Variants in CCDC171 observed in about 807,000 individuals in gnomAD.
CCDC171 encodes the protein coiled-coil domain-containing protein 171.
A neutral mutation model predicts 168.2 loss-of-function variants in CCDC171; 177 were observed. The ratio of observed to expected loss-of-function variants is 1.05; its 90% CI spans 0.93 to 1.19. CCDC171 has a LOEUF of 1.19. Ranked by LOEUF, CCDC171 falls within the 50% of genes most tolerant of loss-of-function variation. The pLI is 0.00. For synonymous variants in CCDC171, 687 were observed against 540.8 expected, an observed-to-expected ratio of 1.27 and a Z score of -3.75; for missense variants, 1,991 against 1,539.0, an observed-to-expected ratio of 1.29 and a Z score of -4.91.
chr9:15,957,748 A>G (rs1056030648), intron 25 of CCDC171, among the ~76,000 whole-genome samples: 1 of 152,220 alleles, frequency 6.6e-6, no homozygotes, highest in Admixed American at 6.5e-5. Flanking sequence ...TTCCTCTGAT[A>G]TAGAAAATCA....
chr9:16,101,836 A>T, the CCDC171 span, among the ~76,000 whole-genome samples: 1 of 152,218 alleles, frequency 6.6e-6, no homozygotes, highest in South Asian at 2.1e-4. Flanking sequence ...GGGTTCTGCC[A>T]ACAACCTGAG....
chr9:15,851,746 C>CCCTA (rs1291321826), intron 23 of CCDC171, among the ~76,000 whole-genome samples: 6 of 151,838 alleles, frequency 4.0e-5, no homozygotes, highest in African/African-American at 1.5e-4. Flanking sequence ...TATCCCTTTC[C>CCCTA]CCTACATCCT....
intron 4 of CCDC171, chr9:15,587,723 C>G: frequency 2.3e-6 from 1 of 443,994 alleles, no homozygotes; most frequent in Non-Finnish European, 4.5e-6. Flanking sequence ...AACTGTATTA[C>G]ATTTATAGTT....
At chr9:15,896,509 CT>C (rs1820920077) in intron 24 of CCDC171, among the ~76,000 whole-genome samples, 3 of 152,040 alleles carry the variant, frequency 2.0e-5, no homozygotes, top group Admixed American at 1.3e-4. Flanking sequence ...CTTAGATTCT[CT>C]TTTTCTTGTA....
intron 4 of CCDC171, among the ~76,000 whole-genome samples, chr9:15,586,535 G>C (rs1015170190): frequency 6.6e-6 from 1 of 152,134 alleles, no homozygotes; most frequent in Non-Finnish European, 1.5e-5. Context: ...TAAACTGGAA[G>C]CACCAGATAC....
intron 24 of CCDC171, among the ~76,000 whole-genome samples, chr9:15,919,496 T>G (rs991888604): frequency 2.0e-5 from 3 of 151,686 alleles, no homozygotes; most frequent in African/African-American, 7.2e-5. Context: ...GAAAATGTCT[T>G]TGAAATATGG....
chr9:16,089,921 C>G, the CCDC171 span, among the ~76,000 whole-genome samples: 1 of 152,114 alleles, frequency 6.6e-6, no homozygotes, highest in African/African-American at 2.4e-5. Flanking sequence ...CAGGAAACAA[C>G]AAATGCTGGA....
At chr9:15,699,951 C>G (rs1182349809) in intron 11 of CCDC171, among the ~76,000 whole-genome samples, 2 of 152,280 alleles carry the variant, frequency 1.3e-5, no homozygotes, top group Non-Finnish European at 2.9e-5. Context: ...CTCCACGTCC[C>G]CACCAGACTC....
intron 18 of CCDC171, among the ~76,000 whole-genome samples, chr9:15,763,370 T>C (rs963225008): frequency 1.4e-4 from 21 of 152,308 alleles, no homozygotes; most frequent in Middle Eastern, 3.4e-3. Context: ...CAATATCTAG[T>C]TCTTTTCCTC....
At position 15,764,123 on chromosome 9, in the gene CCDC171, A is replaced by G. The variant is rs532016085; in HGVS notation, c.2672-13477A>G. Among the ~76,000 whole-genome samples, 5 of 152,190 alleles carry G rather than the reference A, an allele frequency of 3.3e-5. No individual in the cohort carries two copies. The East Asian group carries it at 9.6e-4, about 29-fold the overall frequency. On this transcript the variant is annotated intron_variant, in intron 18 of 25. Coordinates refer to ENST00000380701, the MANE Select transcript of CCDC171 (RefSeq NM_173550.4). ...AAGGAGGCCCAAGTGGCTGAACCAG[A>G]GTCAATAGTGGGAGAAAGGTGGAAG...
chr9:15,584,030 C>T (rs2041356766), intron 4 of CCDC171, among the ~76,000 whole-genome samples: 1 of 152,122 alleles, frequency 6.6e-6, no homozygotes, highest in African/African-American at 2.4e-5. Context: ...CCACGCCCGG[C>T]TAATTTTCTT....
chr9:15,885,085 A>T (rs1819208216), intron 24 of CCDC171, among the ~76,000 whole-genome samples: 1 of 152,250 alleles, frequency 6.6e-6, no homozygotes, highest in African/African-American at 2.4e-5. Flanking sequence ...AAACATTACT[A>T]CTGTTTCCAT....
intron 23 of CCDC171, among the ~76,000 whole-genome samples, chr9:15,856,984 C>T (rs1024626679): frequency 6.6e-6 from 1 of 151,852 alleles, no homozygotes; most frequent in Admixed American, 6.6e-5. Context: ...TTTTCATATA[C>T]CTGTTTGACC....
chr9:16,071,165 T>A, the CCDC171 span, among the ~76,000 whole-genome samples: 1 of 152,202 alleles, frequency 6.6e-6, no homozygotes, highest in African/African-American at 2.4e-5. Flanking sequence ...GGAGTTCCGA[T>A]GGCATTGTTT....
intron 25 of CCDC171, among the ~76,000 whole-genome samples, chr9:15,939,712 G>A (rs1827508465): frequency 6.6e-6 from 1 of 151,744 alleles, no homozygotes; most frequent in Non-Finnish European, 1.5e-5. Flanking sequence ...ATGTCATTTA[G>A]AAATTAAATT....
intron 18 of CCDC171, among the ~76,000 whole-genome samples, chr9:15,771,443 G>A (rs927107621): frequency 6.6e-6 from 1 of 152,032 alleles, no homozygotes; most frequent in African/African-American, 2.4e-5. Flanking sequence ...TAGTTAGGTT[G>A]CACATCTTTT....
Position 15,972,690 on chromosome 9 carries a change from T to C in CCDC171, c.*854T>C, listed in dbSNP as rs1831466074. 6.6e-6 allele frequency: 1 copy of C among 152,174 alleles called. No homozygotes were observed. Among genetic ancestry groups the C allele is most frequent in the Non-Finnish European group, 1.5e-5 (1 of 68,034 alleles). 9.4% of individuals were successfully genotyped at this position (152,174 alleles called of 1,614,324 possible). A position where few individuals can be genotyped will look rare whatever the true frequency, so the allele number is the denominator to read the frequency against. ...TTGACCTTCAAAATAGACTCCTTTT[T>C]TGTTTTTGTTGTTGGTAGGACCCAA... is the stretch of plus-strand genomic sequence containing the variant. On this transcript the variant is annotated 3_prime_UTR_variant, in exon 26 of 26. Coordinates refer to ENST00000380701, the MANE Select transcript of CCDC171 (RefSeq NM_173550.4).
chr9:16,101,699 C>T, the CCDC171 span, among the ~76,000 whole-genome samples: 1 of 152,204 alleles, frequency 6.6e-6, no homozygotes, highest in Non-Finnish European at 1.5e-5. Flanking sequence ...CTTGAAGGAG[C>T]AAACTGCTGT....
intron 1 of CCDC171, among the ~76,000 whole-genome samples, chr9:16,046,673 CATG>C (rs921809378): frequency 1.6e-4 from 24 of 152,246 alleles, no homozygotes; most frequent in African/African-American, 4.8e-4. Flanking sequence ...GAATAAGTCT[CATG>C]AGATCTGATG....
Sources: allele counts gnomAD v4.1 joint callset (sites outside exome capture counted in the v4.1 genomes callset), GRCh38; gene constraint gnomAD v4.1.1; transcripts MANE v1.5; gene names NCBI Gene and HGNC (gene_info 2026-07-23, HGNC 2026-07-21).